SOX5: variants seen among roughly 807,000 people sequenced by gnomAD.
SOX5 encodes transcription factor SOX-5.
In SOX5, 9 loss-of-function variants were observed where a neutral mutation model predicts 92.0. That is an observed-to-expected ratio of 0.10 (90% CI 0.06 to 0.17). The LOEUF (loss-of-function observed/expected upper bound fraction) is 0.17, where lower values mean the gene tolerates loss of function less well. Among genes scored for constraint, SOX5 ranks in the 10% least tolerant of loss-of-function variants. The pLI is 1.00. For synonymous variants in SOX5, 344 were observed against 336.3 expected (o/e 1.02, Z -0.25); for missense variants, 642 against 944.5 (o/e 0.68, Z 4.20).
At chr12:23,948,932 A>C (rs1440816105) in intron 1 of SOX5, among the ~76,000 whole-genome samples, 1 of 152,176 alleles carries the variant, frequency 6.6e-6, no homozygotes, top group Non-Finnish European at 1.5e-5. Flanking sequence ...GTGGCCACTA[A>C]AACTTAGAAA....
chr12:24,266,223 C>T (rs1441836300), intron 3 of SOX5, among the ~76,000 whole-genome samples: 1 of 152,162 alleles, frequency 6.6e-6, no homozygotes, highest in East Asian at 1.9e-4. Flanking sequence ...GCCCAGGGCC[C>T]ATTTTTAATA....
At chr12:24,170,623 A>G (rs1243502399) in intron 4 of SOX5, among the ~76,000 whole-genome samples, 1 of 152,144 alleles carries the variant, frequency 6.6e-6, no homozygotes, top group East Asian at 1.9e-4. Flanking sequence ...AAACTTGAAA[A>G]CCAATGAGAT....
chr12:23,552,449 C>T (rs1388434662), intron 11 of SOX5, among the ~76,000 whole-genome samples: 1 of 151,374 alleles, frequency 6.6e-6, no homozygotes, highest in Non-Finnish European at 1.5e-5. Flanking sequence ...TCCATTAAAC[C>T]TTGTTGTCAT....
intron 3 of SOX5, among the ~76,000 whole-genome samples, chr12:24,216,388 G>A (rs1959170488): frequency 6.6e-6 from 1 of 152,298 alleles, no homozygotes; most frequent in African/African-American, 2.4e-5. Context: ...GGAGGCTGGG[G>A]CAGGAGAATG....
chr12:23,956,201 G>A (rs1171672819), intron 4 of SOX5, among the ~76,000 whole-genome samples: 2 of 152,142 alleles, frequency 1.3e-5, no homozygotes, highest in Non-Finnish European at 2.9e-5. Flanking sequence ...CATAGTAAAG[G>A]AGAATGTTGC....
intron 4 of SOX5, among the ~76,000 whole-genome samples, chr12:24,023,740 C>G (rs909411150): frequency 2.0e-5 from 3 of 152,062 alleles, no homozygotes; most frequent in Admixed American, 2.0e-4. Context: ...GCTACATATA[C>G]ATTTATTTGT....
intron 4 of SOX5, among the ~76,000 whole-genome samples, chr12:24,152,991 T>C (rs548857927): frequency 2.2e-4 from 34 of 151,812 alleles, no homozygotes; most frequent in African/African-American, 8.2e-4. Flanking sequence ...ATGAGTTAAA[T>C]GGTGTAAAGT....
At chr12:23,847,575 GT>G (rs940047536) in intron 2 of SOX5, among the ~76,000 whole-genome samples, 28 of 150,720 alleles carry the variant, frequency 1.9e-4, no homozygotes, top group Admixed American at 1.1e-3. Flanking sequence ...CTGTTAATAT[GT>G]TTTTTTTTGT....
At chr12:24,448,533 G>C (rs1370303345) in intron 1 of SOX5, among the ~76,000 whole-genome samples, 2 of 152,116 alleles carry the variant, frequency 1.3e-5, no homozygotes, top group African/African-American at 4.8e-5. Flanking sequence ...TGAACTACAG[G>C]GGACTTCTTG....
chr12:23,863,678 C>A (rs1260190731), intron 2 of SOX5, among the ~76,000 whole-genome samples: 1 of 151,940 alleles, frequency 6.6e-6, no homozygotes, highest in Non-Finnish European at 1.5e-5. Context: ...TTAACATCTT[C>A]AACTTTCTAT....
chr12:24,043,333 A>G (rs1956697932), intron 4 of SOX5, among the ~76,000 whole-genome samples: 1 of 152,208 alleles, frequency 6.6e-6, no homozygotes, highest in Non-Finnish European at 1.5e-5. Flanking sequence ...CATTGAGAAC[A>G]CCAGAAAAAA....
chr12:24,048,236 G>T (rs1297594822), intron 4 of SOX5, among the ~76,000 whole-genome samples: 1 of 152,142 alleles, frequency 6.6e-6, no homozygotes, highest in African/African-American at 2.4e-5. Context: ...GAGATATTAA[G>T]TAACAGGCCC....
chr12:23,767,923 T>A (rs2094793498), intron 3 of SOX5, among the ~76,000 whole-genome samples: 1 of 152,126 alleles, frequency 6.6e-6, no homozygotes, highest in African/African-American at 2.4e-5. Flanking sequence ...TTAGTATAGT[T>A]AATGTATGAT....
chr12:24,349,562 T>C (rs1486487538), intron 2 of SOX5, among the ~76,000 whole-genome samples: 1 of 152,212 alleles, frequency 6.6e-6, no homozygotes, highest in Non-Finnish European at 1.5e-5. Flanking sequence ...CTTATCTGAC[T>C]TAGCATCATT....
intron 4 of SOX5, among the ~76,000 whole-genome samples, chr12:24,065,417 G>C (rs1430471080): frequency 6.6e-6 from 1 of 152,146 alleles, no homozygotes; most frequent in East Asian, 1.9e-4. Flanking sequence ...GGGAGGCCAA[G>C]GTGGGTGGAT....
chr12:23,780,335 A>G (rs1400595857), intron 3 of SOX5, among the ~76,000 whole-genome samples: 1 of 151,980 alleles, frequency 6.6e-6, no homozygotes, highest in Non-Finnish European at 1.5e-5. Flanking sequence ...AGGCTAAGTT[A>G]TATGCTCAAC....
chr12:24,259,865 A>G (rs987818465), intron 3 of SOX5, among the ~76,000 whole-genome samples: 1 of 152,222 alleles, frequency 6.6e-6, no homozygotes, highest in African/African-American at 2.4e-5. Flanking sequence ...ATTCAAAAAA[A>G]TAACATTTTA....
chr12:23,606,548 GTTAT>G (rs1373895377), intron 8 of SOX5, among the ~76,000 whole-genome samples: 1 of 151,624 alleles, frequency 6.6e-6, no homozygotes, highest in Non-Finnish European at 1.5e-5. Flanking sequence ...AAAATTATTG[GTTAT>G]TTGTGTTATT....
intron 4 of SOX5, among the ~76,000 whole-genome samples, chr12:24,095,128 C>CAGAGAGAGAGAG (rs764681203): frequency 3.1e-3 from 278 of 90,208 alleles, no homozygotes; most frequent in Admixed American, 5.0e-3. Flanking sequence ...CACACACACA[C>CAGAGAGAGAGAG]AGAGAGAGAG....
Sources: allele counts gnomAD v4.1 joint callset (sites outside exome capture counted in the v4.1 genomes callset), GRCh38; gene constraint gnomAD v4.1.1; transcripts MANE v1.5; gene names NCBI Gene and HGNC (gene_info 2026-07-23, HGNC 2026-07-21).